The following U2SURP variants were observed in gnomAD, a reference collection of about 807,000 sequenced individuals.
The protein encoded by U2SURP is U2 snRNP-associated SURP motif-containing protein.
Under a neutral mutation model 144.9 loss-of-function variants are expected in U2SURP, and 9 were observed. The observed-to-expected ratio is 0.06, with a 90% CI of 0.04 to 0.11. U2SURP has a LOEUF of 0.11. Among genes scored for constraint, U2SURP ranks in the 10% least tolerant of loss-of-function variants. The probability of loss-of-function intolerance (pLI) is 1.00; values close to 1 mark genes in which losing one functional copy is unlikely to be tolerated. For synonymous variants in U2SURP, 408 were observed against 396.8 expected (o/e 1.03, Z -0.33); for missense variants, 724 against 1,226.7 (o/e 0.59, Z 6.12).
chr3:143,021,304 A>C, intron 8 of U2SURP, 46 bp from the exon 9 acceptor site: 1 of 1,551,508 alleles, frequency 6.4e-7, no homozygotes, highest in Non-Finnish European at 8.7e-7. Flanking sequence ...AGGGGGGACT[A>C]CTGTATTATA....
At chr3:143,032,264 G>A (rs1286902299) in intron 16 of U2SURP, among the ~76,000 whole-genome samples, 1 of 152,032 alleles carries the variant, frequency 6.6e-6, no homozygotes, top group African/African-American at 2.4e-5. Context: ...GTACAGACAG[G>A]GTTTCACCAT....
chr3:143,051,746 C>T (rs1318678959), intron 25 of U2SURP, among the ~76,000 whole-genome samples: 2 of 151,940 alleles, frequency 1.3e-5, no homozygotes, highest in African/African-American at 4.8e-5. Flanking sequence ...GGTAAAGCAA[C>T]TGTGGTGCTG....
chr3:143,027,266 T>A lies in U2SURP; in HGVS notation c.1379+13T>A. 4.4e-6 allele frequency: 7 copies of A among 1,601,116 alleles called. No homozygotes were observed. Among genetic ancestry groups the A allele is most frequent in the Non-Finnish European group, 6.0e-6 (7 of 1,169,658 alleles). On this transcript the variant is annotated intron_variant, in intron 14 of 27. Transcript: ENST00000473835. ...ATCCTATGTTCAGGTGTGCATTTTT[T>A]AAAAATTGTGAAATATATGTAACAT...
rs1553834288 is a variant in U2SURP, at chr3:143,004,573, A to ACCCCT, written c.45+2904_45+2905insTCCCC. Among the ~76,000 whole-genome samples the ACCCCT allele has an allele frequency of 1.4e-3, 70 of 48,560 alleles. 4 individuals are homozygous for ACCCCT. The highest frequency in any genetic ancestry group is 8.0e-3 in the African/African-American group (69 of 8,670). The allele number at this position is 48,560 out of a possible 152,430, so 31.9% of individuals were successfully genotyped here. A position where few individuals can be genotyped will look rare whatever the true frequency, so the allele number is the denominator to read the frequency against. On this transcript the variant is annotated intron_variant, in intron 1 of 27. Transcript: ENST00000473835. ...CATCTGTTGGCCTCTTGACCTTGTG[A>ACCCCT]CCCCCCCCCCCCGCCTCGGCCTCCC...
chr3:143,037,360 A>T, intron 21 of U2SURP, 25 bp downstream of exon 21: 1 of 1,602,714 alleles, frequency 6.2e-7, no homozygotes, highest in Non-Finnish European at 8.5e-7. Context: ...CAAACTGATT[A>T]AATCTAGCTA....
chr3:143,013,732 T>C (rs980534341), intron 3 of U2SURP, among the ~76,000 whole-genome samples: 1 of 152,114 alleles, frequency 6.6e-6, no homozygotes, highest in African/African-American at 2.4e-5. Context: ...AAAATTGATA[T>C]AGTTTTACTT....
chr3:143,051,602 C>CAAAAAA (rs3041537), intron 25 of U2SURP, among the ~76,000 whole-genome samples: 4 of 90,602 alleles, frequency 4.4e-5, no homozygotes, highest in South Asian at 5.0e-4. Flanking sequence ...ACTGTCGTTG[C>CAAAAAA]AAAAAAAAAA....
At chr3:143,022,215 C>T (rs187940454) in intron 10 of U2SURP, among the ~76,000 whole-genome samples, 1 of 152,214 alleles carries the variant, frequency 6.6e-6, no homozygotes, top group East Asian at 1.9e-4. Context: ...AGATCCAGGA[C>T]CTTAAAACAA....
intron 3 of U2SURP, among the ~76,000 whole-genome samples, chr3:143,013,476 G>C (rs1560178056): frequency 1.3e-5 from 2 of 151,964 alleles, no homozygotes; most frequent in Admixed American, 1.3e-4. Context: ...TTAATGACTA[G>C]GGAATTTAAA....
chr3:143,038,048 A>G, intron 21 of U2SURP, 60 bp from the exon 22 acceptor site: 1 of 1,224,852 alleles, frequency 8.2e-7, no homozygotes, highest in Non-Finnish European at 1.1e-6. Context: ...ATACCCATGA[A>G]TGTAATACTT....
chr3:143,020,102 G>A lies in U2SURP; in HGVS notation c.638+66G>A, dbSNP rs1936560789. The A allele has an allele frequency of 5.9e-6, 6 of 1,009,860 alleles. No homozygotes were observed. The South Asian group carries it at 6.3e-5, about 11-fold the overall frequency. 62.6% of individuals were successfully genotyped at this position (1,009,860 alleles called of 1,614,324 possible). A position where few individuals can be genotyped will look rare whatever the true frequency, so the allele number is the denominator to read the frequency against. ...TGAGCTGATACATAAACAGATGCAAGTATAAAGAATATACTGTACCAGTTA... is the reference window on the plus strand; with the variant it reads ...TGAGCTGATACATAAACAGATGCAAATATAAAGAATATACTGTACCAGTTA... On this transcript the variant is annotated intron_variant, in intron 7 of 27. Transcript: ENST00000473835.
intron 5 of U2SURP, 42 bp from the exon 6 acceptor site, chr3:143,016,800 T>G: frequency 6.8e-7 from 1 of 1,468,582 alleles, no homozygotes; most frequent in South Asian, 1.5e-5. Context: ...TAAAGAAAAA[T>G]ATTGCGAAAT....
chr3:143,002,866 C>T (rs1194017462), intron 1 of U2SURP, among the ~76,000 whole-genome samples: 2 of 152,160 alleles, frequency 1.3e-5, no homozygotes, highest in Non-Finnish European at 2.9e-5. Context: ...CCAGTTTCGG[C>T]TTCTTTACAA....
At chr3:143,039,167 G>C (rs1933966189) in intron 23 of U2SURP, among the ~76,000 whole-genome samples, 2 of 151,826 alleles carry the variant, frequency 1.3e-5, no homozygotes, top group South Asian at 4.1e-4. Flanking sequence ...TTTTGCTTTT[G>C]AGTTTTTTAC....
chr3:143,034,633 C>A, intron 18 of U2SURP: 1 of 273,564 alleles, frequency 3.7e-6, no homozygotes, highest in South Asian at 8.6e-5. Flanking sequence ...TCAGCATATC[C>A]TAGATATAAC....
chr3:143,041,540 T>A (rs187129188), intron 23 of U2SURP, among the ~76,000 whole-genome samples: 1,755 of 152,086 alleles, frequency 0.012, 17 homozygotes, highest in South Asian at 0.037. Context: ...GGTTGAGAAA[T>A]TTAAAAGCTA....
intron 12 of U2SURP, among the ~76,000 whole-genome samples, chr3:143,023,705 C>G (rs910493173): frequency 2.6e-5 from 4 of 152,132 alleles, no homozygotes; most frequent in African/African-American, 7.2e-5. Flanking sequence ...TCTGATAATT[C>G]TCAGTGTAGT....
chr3:143,015,445 T>C (rs976350368), intron 4 of U2SURP, among the ~76,000 whole-genome samples: 2 of 151,860 alleles, frequency 1.3e-5, no homozygotes, highest in African/African-American at 4.8e-5. Context: ...GTTTTTTCCA[T>C]TACCAGCTTA....
At chr3:143,018,159 C>T (rs1477814805) in intron 6 of U2SURP, among the ~76,000 whole-genome samples, 1 of 152,124 alleles carries the variant, frequency 6.6e-6, no homozygotes, top group Non-Finnish European at 1.5e-5. Flanking sequence ...ATTTTTATCA[C>T]CCTAAAAAGA....
Sources: allele counts gnomAD v4.1 joint callset (sites outside exome capture counted in the v4.1 genomes callset), GRCh38; gene constraint gnomAD v4.1.1; transcripts MANE v1.5; gene names NCBI Gene and HGNC (gene_info 2026-07-23, HGNC 2026-07-21).